Variants in MYO5B observed in about 807,000 individuals in gnomAD.
The protein encoded by MYO5B is unconventional myosin-Vb.
A neutral mutation model predicts 229.3 loss-of-function variants in MYO5B; 143 were observed. The observed-to-expected ratio is 0.62, with a 90% CI of 0.54 to 0.72. The LOEUF is 0.72. MYO5B is among the 30% of genes least tolerant of loss of function. The pLI, the probability that MYO5B is intolerant of heterozygous loss-of-function variation, is 0.00. For synonymous variants in MYO5B, 918 were observed against 885.2 expected, an observed-to-expected ratio of 1.04 and a Z score of -0.66; for missense variants, 2,321 against 2,331.0, an observed-to-expected ratio of 1.00 and a Z score of 0.09.
intron 2 of MYO5B, among the ~76,000 whole-genome samples, chr18:50,048,498 C>T (rs545839455): frequency 1.1e-4 from 17 of 152,148 alleles, no homozygotes; most frequent in Non-Finnish European, 8.8e-5. Context: ...AGTCACCAGG[C>T]AGAGGAAGAG....
intron 12 of MYO5B, among the ~76,000 whole-genome samples, chr18:49,955,783 T>C (rs1267909640): frequency 1.3e-5 from 2 of 152,226 alleles, no homozygotes; most frequent in Non-Finnish European, 2.9e-5. Flanking sequence ...ATATACTGTT[T>C]TATATTTGTC....
intron 1 of MYO5B, among the ~76,000 whole-genome samples, chr18:50,065,505 C>T (rs910950657): frequency 1.3e-5 from 2 of 152,052 alleles, no homozygotes; most frequent in African/African-American, 4.8e-5. Context: ...CAGGGGAAAC[C>T]GCCACTTATA....
At chr18:50,043,667 A>AATATATTTATAAATATATATAAAT (rs1568083678) in intron 2 of MYO5B, among the ~76,000 whole-genome samples, 18 of 139,816 alleles carry the variant, frequency 1.3e-4, no homozygotes, top group African/African-American at 4.2e-4. Flanking sequence ...AAATATATAA[A>AATATATTTATAAATATATATAAAT]ATATATTTAT....
chr18:49,980,669 C>A, intron 8 of MYO5B, 116 bp from the exon 9 acceptor site: 2 of 743,586 alleles, frequency 2.7e-6, no homozygotes, highest in Admixed American at 2.0e-5. Context: ...CTTTCTGACC[C>A]GATGACTCCT....
At chr18:50,001,467 C>G in intron 4 of MYO5B, 56 bp from the exon 5 acceptor site, 1 of 1,598,452 alleles carries the variant, frequency 6.3e-7, no homozygotes. Flanking sequence ...CTGCTACCGT[C>G]CAGGGACTCT....
intron 14 of MYO5B, among the ~76,000 whole-genome samples, chr18:49,947,089 A>T (rs1365138909): frequency 4.7e-5 from 7 of 147,828 alleles, no homozygotes; most frequent in African/African-American, 1.5e-4. Flanking sequence ...AATGAAAAGT[A>T]GTCACCAAGC....
chr18:50,175,049 A>G (rs11877056), intron 1 of MYO5B, among the ~76,000 whole-genome samples: 57,526 of 152,054 alleles, frequency 0.38, 10,955 homozygotes, highest in Middle Eastern at 0.43. Context: ...CTTCCAGGAC[A>G]CTATGGGGAA....
chr18:49,965,276 G>A (rs2025609894), intron 10 of MYO5B, among the ~76,000 whole-genome samples: 1 of 152,198 alleles, frequency 6.6e-6, no homozygotes, highest in African/African-American at 2.4e-5. Flanking sequence ...CACTCACCAT[G>A]CCGGCAACAT....
At chr18:49,998,487 C>T (rs7244928) in intron 5 of MYO5B, among the ~76,000 whole-genome samples, 8,538 of 152,190 alleles carry the variant, frequency 0.056, 414 homozygotes, top group African/African-American at 0.12. Flanking sequence ...CACAGCCTAG[C>T]GGCCTACTCA....
intron 1 of MYO5B, among the ~76,000 whole-genome samples, chr18:50,172,289 A>C (rs979593591): frequency 1.3e-4 from 5 of 39,232 alleles, no homozygotes; most frequent in South Asian, 1.4e-3. Context: ...AAAAAAAGAC[A>C]AAAAAAAAAA....
intron 15 of MYO5B, among the ~76,000 whole-genome samples, chr18:49,937,014 A>C (rs2025257894): frequency 6.6e-6 from 1 of 152,168 alleles, no homozygotes; most frequent in Non-Finnish European, 1.5e-5. Flanking sequence ...AGGCGTTAAC[A>C]TACTTATGGA....
chr18:49,837,435 A>C (rs1036543831), intron 37 of MYO5B, 82 bp downstream of exon 37: 1 of 1,515,154 alleles, frequency 6.6e-7, no homozygotes, highest in African/African-American at 1.4e-5. Context: ...ATTTTTAGAA[A>C]CAGCAGTCTT....
In MYO5B at chr18:49,881,845, T is replaced by G. The variant is rs527509861; in HGVS notation, c.3046-1390A>C. The stretch of plus-strand genomic sequence containing the variant: ...TGCGAAGAAAGTTCTTAAAAAATGT[T>G]TTTGCTATTTATTATTAGAGCAACT... On this transcript the variant is annotated intron_variant, in intron 22 of 39. Transcript: ENST00000285039. Among the ~76,000 whole-genome samples, 5 of 152,082 alleles carry G rather than the reference T, an allele frequency of 3.3e-5. No homozygotes were observed. The South Asian group carries it at 1.0e-3, about 32-fold the overall frequency.
At chr18:49,845,464 A>G (rs2024113398) in intron 33 of MYO5B, among the ~76,000 whole-genome samples, 1 of 152,180 alleles carries the variant, frequency 6.6e-6, no homozygotes, top group African/African-American at 2.4e-5. Context: ...TCTCTAAAAT[A>G]ATGCTTGCCT....
At chr18:49,988,682 G>A (rs746862341) in intron 7 of MYO5B, among the ~76,000 whole-genome samples, 13 of 152,132 alleles carry the variant, frequency 8.5e-5, no homozygotes, top group Non-Finnish European at 1.6e-4. Context: ...AGTTGGCCCC[G>A]AAAAGCCCTG....
Position 49,993,162 on chromosome 18 carries a change from G to C in MYO5B, c.613-731C>G, listed in dbSNP as rs561050155. Among the ~76,000 whole-genome samples, 5 of 152,048 alleles carry C rather than the reference G, an allele frequency of 3.3e-5. No homozygotes were observed. The East Asian group carries it at 9.7e-4, about 29-fold the overall frequency. ...TAAAACACCATGTTGCCAATGCATT[G>C]GTAAAGAATACATTAATATTTAATC... On this transcript the variant is annotated intron_variant, in intron 5 of 39. Coordinates refer to ENST00000285039, the MANE Select transcript of MYO5B (RefSeq NM_001080467.3).
At chr18:50,051,300 G>A (rs1424398998) in intron 2 of MYO5B, among the ~76,000 whole-genome samples, 1 of 152,192 alleles carries the variant, frequency 6.6e-6, no homozygotes, top group Non-Finnish European at 1.5e-5. Context: ...GTTACTCTTT[G>A]AAAAGCTCAC....
rs191490605 is a variant in MYO5B, at chr18:49,918,356, G to A, written c.2091-6183C>T. ...CCTAGAGTCCCTCCAGTAAGACCAC[G>A]GCATAAGGCCCTAAGTCACACAAAT... On this transcript the variant is annotated intron_variant, in intron 17 of 39. Coordinates refer to ENST00000285039, the MANE Select transcript of MYO5B (RefSeq NM_001080467.3). Among the ~76,000 whole-genome samples, 328 of 152,312 alleles carry A rather than the reference G, an allele frequency of 2.2e-3. 5 individuals are homozygous for A. Among genetic ancestry groups the A allele is most frequent in the Non-Finnish European group, 3.1e-3 (214 of 68,026 alleles).
At chr18:49,853,149 T>C (rs1243420621) in intron 31 of MYO5B, among the ~76,000 whole-genome samples, 2 of 152,228 alleles carry the variant, frequency 1.3e-5, no homozygotes, top group Non-Finnish European at 2.9e-5. Context: ...AGTCTCGCTG[T>C]TCCTGCTTTC....
Sources: allele counts gnomAD v4.1 joint callset (sites outside exome capture counted in the v4.1 genomes callset), GRCh38; gene constraint gnomAD v4.1.1; transcripts MANE v1.5; gene names NCBI Gene and HGNC (gene_info 2026-07-23, HGNC 2026-07-21).